The following SLC36A1 variants were observed in gnomAD, a reference collection of about 807,000 sequenced individuals.
SLC36A1 encodes solute carrier family 36 member 1, also known as proton-coupled amino acid transporter 1.
Under a neutral mutation model 47.5 loss-of-function variants are expected in SLC36A1, and 30 were observed. The observed-to-expected ratio is 0.63, with a 90% CI of 0.47 to 0.86. The LOEUF is 0.86. Ranked by LOEUF, SLC36A1 falls within the 40% of genes least tolerant of loss-of-function variation. The pLI is 0.00. For synonymous variants in SLC36A1, 255 were observed against 249.7 expected (o/e 1.02, Z -0.20); for missense variants, 517 against 606.0 (o/e 0.85, Z 1.54).
intron 2 of SLC36A1, among the ~76,000 whole-genome samples, chr5:151,461,274 G>A (rs943129736): frequency 2.6e-5 from 4 of 151,780 alleles, no homozygotes; most frequent in African/African-American, 7.3e-5. Flanking sequence ...ATAGGCATGA[G>A]CACCATGCCT....
At chr5:151,368,245 A>G in the SLC36A1 span, among the ~76,000 whole-genome samples, 9 of 152,228 alleles carry the variant, frequency 5.9e-5, no homozygotes, top group Non-Finnish European at 1.5e-5. Flanking sequence ...ACCTGCCATC[A>G]TCAATCATAA....
At chr5:151,381,926 G>T in the SLC36A1 span, 1 of 364,590 alleles carries the variant, frequency 2.7e-6, no homozygotes, top group Non-Finnish European at 4.9e-6. Context: ...CAATTCCCTT[G>T]TCTTGATGAA....
chr5:151,544,051 A>G, the SLC36A1 span: 1 of 1,614,162 alleles, frequency 6.2e-7, no homozygotes. Context: ...TTCACCAGTG[A>G]GTGGGGGATC....
the SLC36A1 span, among the ~76,000 whole-genome samples, chr5:151,370,609 A>T: frequency 2.0e-5 from 3 of 152,254 alleles, no homozygotes; most frequent in Non-Finnish European, 2.9e-5. Flanking sequence ...AAACAAATTC[A>T]GTATTTTATA....
chr5:151,543,143 T>G, the SLC36A1 span: 1 of 1,614,176 alleles, frequency 6.2e-7, no homozygotes, highest in Non-Finnish European at 8.5e-7. Context: ...TCTTGGGCTT[T>G]GATGAAGAAG....
At chr5:151,538,481 G>A in the SLC36A1 span, among the ~76,000 whole-genome samples, 1 of 152,124 alleles carries the variant, frequency 6.6e-6, no homozygotes, top group Non-Finnish European at 1.5e-5. Flanking sequence ...CCATCGCTTG[G>A]CCCACCCTCC....
chr5:151,415,649 G>C, the SLC36A1 span, among the ~76,000 whole-genome samples: 35,283 of 152,006 alleles, frequency 0.23, 4,364 homozygotes, highest in African/African-American at 0.3. Context: ...ACTCCATTGA[G>C]GTAGAGATTG....
the SLC36A1 span, chr5:151,366,383 G>C: frequency 5.8e-6 from 1 of 173,202 alleles, no homozygotes; most frequent in Admixed American, 6.3e-5. Flanking sequence ...GTTGAAAATT[G>C]GTCACTGTTT....
chr5:151,429,670 T>G, the SLC36A1 span, among the ~76,000 whole-genome samples: 1 of 152,050 alleles, frequency 6.6e-6, no homozygotes, highest in African/African-American at 2.4e-5. Flanking sequence ...ACAACTAATA[T>G]AGGAATAGCA....
chr5:151,432,407 G>A (rs545994603), upstream of SLC36A1, among the ~76,000 whole-genome samples: 1 of 152,064 alleles, frequency 6.6e-6, no homozygotes, highest in East Asian at 1.9e-4. Flanking sequence ...GTGGCTCCCC[G>A]TGAGGTCACT....
the SLC36A1 span, chr5:151,543,095 G>A: frequency 1.2e-6 from 2 of 1,614,170 alleles, no homozygotes; most frequent in South Asian, 1.1e-5. Context: ...ACCTGAAGTC[G>A]TACTGGCACC....
chr5:151,418,838 T>C, the SLC36A1 span, among the ~76,000 whole-genome samples: 1 of 152,164 alleles, frequency 6.6e-6, no homozygotes, highest in African/African-American at 2.4e-5. Flanking sequence ...TGGAATGATA[T>C]GGTTAGGCTT....
At chr5:151,534,783 C>G in the SLC36A1 span, 1 of 639,278 alleles carries the variant, frequency 1.6e-6, no homozygotes, top group Non-Finnish European at 2.7e-6. Context: ...GTCAGGAAAG[C>G]AGCTAAGCCT....
At chr5:151,468,317 TA>T in intron 7 of SLC36A1, among the ~76,000 whole-genome samples, 1 of 110,040 alleles carries the variant, frequency 9.1e-6, no homozygotes, top group African/African-American at 3.5e-5. Flanking sequence ...TATTTACATA[TA>T]TGTGTATATG....
chr5:151,417,984 C>T, the SLC36A1 span, among the ~76,000 whole-genome samples: 1,626 of 152,296 alleles, frequency 0.011, 30 homozygotes, highest in African/African-American at 0.037. Flanking sequence ...GGCCTGCACC[C>T]CAGCTATGGC....
At chr5:151,405,825 A>T in the SLC36A1 span, among the ~76,000 whole-genome samples, 1,132 of 152,172 alleles carry the variant, frequency 7.4e-3, 22 homozygotes, top group African/African-American at 0.026. Context: ...GTGCTTTTAG[A>T]GGGCCAAGAC....
the SLC36A1 span, among the ~76,000 whole-genome samples, chr5:151,418,027 C>T: frequency 6.6e-6 from 1 of 152,226 alleles, no homozygotes; most frequent in Non-Finnish European, 1.5e-5. Flanking sequence ...CAGGTCATTG[C>T]TTAAGAGGGT....
the SLC36A1 span, among the ~76,000 whole-genome samples, chr5:151,367,635 C>T: frequency 3.3e-5 from 5 of 152,142 alleles, no homozygotes; most frequent in Admixed American, 6.5e-5. Context: ...ACAATTATCA[C>T]AGTGGTCCTG....
At chr5:151,540,022 T>G in the SLC36A1 span, among the ~76,000 whole-genome samples, 38 of 152,330 alleles carry the variant, frequency 2.5e-4, no homozygotes, top group African/African-American at 8.7e-4. Context: ...CAGGTCTCTG[T>G]TGGTGTATTT....
Sources: allele counts gnomAD v4.1 joint callset (sites outside exome capture counted in the v4.1 genomes callset), GRCh38; gene constraint gnomAD v4.1.1; transcripts MANE v1.5; gene names NCBI Gene and HGNC (gene_info 2026-07-23, HGNC 2026-07-21).